Variants in OSBPL3 observed in about 807,000 individuals in gnomAD.
The protein encoded by OSBPL3 is oxysterol binding protein like 3.
In OSBPL3, 65 loss-of-function variants were observed where a neutral mutation model predicts 120.1. That is an observed-to-expected ratio of 0.54 (90% CI 0.44 to 0.67). OSBPL3 has a LOEUF of 0.67. Among genes scored for constraint, OSBPL3 ranks in the 30% least tolerant of loss-of-function variants. The pLI is 0.00. For synonymous variants in OSBPL3, 416 were observed against 402.6 expected, an observed-to-expected ratio of 1.03 and a Z score of -0.40; for missense variants, 1,004 against 1,082.1, an observed-to-expected ratio of 0.93 and a Z score of 1.01.
chr7:24,840,157 G>A (rs1011332789), intron 14 of OSBPL3, among the ~76,000 whole-genome samples: 2 of 151,866 alleles, frequency 1.3e-5, no homozygotes, highest in African/African-American at 4.8e-5. Flanking sequence ...AAATCCTAGG[G>A]GGTGGGGTCC....
rs1795192234 is a variant in OSBPL3 at position 24,822,054 on chromosome 7, T to C, written c.1885-1816A>G. On this transcript the variant is annotated intron_variant, in intron 16 of 22. Coordinates refer to ENST00000313367, the MANE Select transcript of OSBPL3 (RefSeq NM_015550.4). The surrounding 1 kb of genome is among the most constrained non-coding windows in gnomAD (Gnocchi z 5.8). ...ACGCCCGGCTAATTTTTTCACTTTT[T>C]GTAGGGATGGGGTCATGCTATGTTG... 6.6e-6 allele frequency among the ~76,000 whole-genome samples: 1 copy of C among 152,064 alleles called. No homozygotes were observed. Among genetic ancestry groups the C allele is most frequent in the Admixed American group, 6.6e-5 (1 of 15,252 alleles).
chr7:24,905,524 C>T (rs1807769571), intron 1 of OSBPL3, among the ~76,000 whole-genome samples: 1 of 152,156 alleles, frequency 6.6e-6, no homozygotes, highest in Non-Finnish European at 1.5e-5. Context: ...TCAATTATTA[C>T]CAACCCTGGC....
rs1012540226 is a variant in OSBPL3, at chr7:24,820,670, A to C, written c.1885-432T>G. Among the ~76,000 whole-genome samples, 1 of 152,252 alleles carries C rather than the reference A, an allele frequency of 6.6e-6. No individual in the cohort carries two copies. The highest frequency in any genetic ancestry group is 1.5e-5 in the Non-Finnish European group (1 of 68,046). On this transcript the variant is annotated intron_variant, in intron 16 of 22. Transcript: ENST00000313367. The surrounding 1 kb of genome is among the most constrained non-coding windows in gnomAD (Gnocchi z 4.6). ...GTTTTAATTAAGATATCAAATAACAAGTATTTTAAATGCAACCCAAAATGT... is the reference window on the plus strand; with the variant it reads ...GTTTTAATTAAGATATCAAATAACACGTATTTTAAATGCAACCCAAAATGT...
chr7:24,934,727 C>T (rs944942783), intron 1 of OSBPL3, among the ~76,000 whole-genome samples: 3 of 152,114 alleles, frequency 2.0e-5, no homozygotes, highest in Non-Finnish European at 4.4e-5. Context: ...ATATTTCACC[C>T]TTCAGAAGTG....
chr7:24,922,348 T>G lies in OSBPL3; in HGVS notation c.-149-29727A>C, dbSNP rs1310292331. On this transcript the variant is annotated intron_variant, in intron 1 of 22. Coordinates refer to ENST00000313367, the MANE Select transcript of OSBPL3 (RefSeq NM_015550.4). The surrounding 1 kb of genome is among the most constrained non-coding windows in gnomAD (Gnocchi z 4.3). ...CTTGTCCTTACCAGCAATGTGACCT[T>G]GAGCAAATCTGCTTCCTTGTGCCTT... is the stretch of plus-strand genomic sequence containing the variant. Among the ~76,000 whole-genome samples the G allele has an allele frequency of 6.6e-6, 1 of 152,168 alleles. No homozygotes were observed. Among genetic ancestry groups the G allele is most frequent in the African/African-American group, 2.4e-5 (1 of 41,432 alleles).
At chr7:24,904,043 T>C (rs1308697812) in intron 1 of OSBPL3, among the ~76,000 whole-genome samples, 1 of 152,094 alleles carries the variant, frequency 6.6e-6, no homozygotes, top group Non-Finnish European at 1.5e-5. Context: ...CCACCACAGC[T>C]GGCTGATTTT....
Position 24,806,426 on chromosome 7 carries a change from G to A in OSBPL3, c.2444+350C>T, listed in dbSNP as rs1404025238. Among the ~76,000 whole-genome samples, 1 of 152,142 alleles carries A rather than the reference G, an allele frequency of 6.6e-6. No homozygotes were observed. The highest frequency in any genetic ancestry group is 1.9e-4 in the East Asian group (1 of 5,196). ...ACCTAGAATCAGCAGTTAGATCTCAGTGCACCAAAATCATTTAAATTTGAG... is the reference window on the plus strand; with the variant it reads ...ACCTAGAATCAGCAGTTAGATCTCAATGCACCAAAATCATTTAAATTTGAG... On this transcript the variant is annotated intron_variant, in intron 21 of 22. Coordinates refer to ENST00000313367, the MANE Select transcript of OSBPL3 (RefSeq NM_015550.4). The surrounding 1 kb of genome is among the most constrained non-coding windows in gnomAD (Gnocchi z 5.2).
chr7:24,979,730 G>A (rs1348597919), intron 1 of OSBPL3, among the ~76,000 whole-genome samples, 156 bp downstream of exon 1: 2 of 151,506 alleles, frequency 1.3e-5, no homozygotes, highest in African/African-American at 4.8e-5. Flanking sequence ...CCAGGCTTGG[G>A]TCTGCCCCAG....
chr7:24,902,418 T>C (rs966434774), intron 1 of OSBPL3, among the ~76,000 whole-genome samples: 9 of 152,278 alleles, frequency 5.9e-5, no homozygotes, highest in African/African-American at 1.9e-4. Context: ...AAAACACACA[T>C]TCTGTTCCAT....
At chr7:24,958,155 T>A (rs1815294305) in intron 1 of OSBPL3, among the ~76,000 whole-genome samples, 1 of 152,144 alleles carries the variant, frequency 6.6e-6, no homozygotes, top group South Asian at 2.1e-4. Flanking sequence ...CAGATTGTCC[T>A]CCATAGAGGT....
At position 24,913,925 on chromosome 7, in the gene OSBPL3, C is replaced by T. The variant is rs1046024069; in HGVS notation, c.-149-21304G>A. On this transcript the variant is annotated intron_variant, in intron 1 of 22. Coordinates refer to ENST00000313367, the MANE Select transcript of OSBPL3 (RefSeq NM_015550.4). The surrounding 1 kb of genome is among the most constrained non-coding windows in gnomAD (Gnocchi z 5.3). ...TTCTACATATATGCATTGAAACTTT[C>T]CTAAGGAGCAGATTCATTACGAAAG... 2.0e-5 allele frequency among the ~76,000 whole-genome samples: 3 copies of T among 152,158 alleles called. No homozygotes were observed. Among genetic ancestry groups the T allele is most frequent in the African/African-American group, 4.8e-5 (2 of 41,418 alleles).
chr7:24,809,533 C>A (rs1793501634), intron 20 of OSBPL3, among the ~76,000 whole-genome samples: 1 of 152,110 alleles, frequency 6.6e-6, no homozygotes, highest in Non-Finnish European at 1.5e-5. Context: ...ATGTGGACTG[C>A]CAGATTCCCT....
chr7:24,905,044 G>A (rs1485699203), intron 1 of OSBPL3, among the ~76,000 whole-genome samples: 2 of 151,624 alleles, frequency 1.3e-5, no homozygotes, highest in African/African-American at 2.4e-5. Context: ...ATAATGCCTG[G>A]AGGACTGGTA....
chr7:24,905,422 G>A lies in OSBPL3; in HGVS notation c.-149-12801C>T, dbSNP rs150879724. 4.5e-3 allele frequency among the ~76,000 whole-genome samples: 689 copies of A among 152,308 alleles called. 2 individuals carry two copies. Among genetic ancestry groups the A allele is most frequent in the Non-Finnish European group, 7.6e-3 (520 of 68,034 alleles). ...GACCTGACAGTAAGCTATGCCGGAT[G>A]AGGGAGAGTGAGATAGGTATCAGAA... is the stretch of plus-strand genomic sequence containing the variant. On this transcript the variant is annotated intron_variant, in intron 1 of 22. Coordinates refer to ENST00000313367, the MANE Select transcript of OSBPL3 (RefSeq NM_015550.4).
At position 24,967,571 on chromosome 7, in the gene OSBPL3, C is replaced by G. The variant is rs1816528087; in HGVS notation, c.-150+12315G>C. ...AGAATTAAATCAGGTGATGTTCTTT[C>G]AAAAAGTACAGAGAATAGTGTCTCA... On this transcript the variant is annotated intron_variant, in intron 1 of 22. Coordinates refer to ENST00000313367, the MANE Select transcript of OSBPL3 (RefSeq NM_015550.4). This position sits in a 1 kb window ranked among gnomAD's most constrained non-coding sequence, Gnocchi z 5.6. Among the ~76,000 whole-genome samples, 1 of 152,162 alleles carries G rather than the reference C, an allele frequency of 6.6e-6. No individual in the cohort carries two copies. The highest frequency in any genetic ancestry group is 1.5e-5 in the Non-Finnish European group (1 of 68,006).
chr7:24,846,190 A>T (rs1798426945), intron 12 of OSBPL3, among the ~76,000 whole-genome samples: 1 of 152,074 alleles, frequency 6.6e-6, no homozygotes, highest in African/African-American at 2.4e-5. Context: ...TAACTGCTGG[A>T]GCTTGAATGA....
chr7:24,844,365 AT>A (rs201463277), intron 12 of OSBPL3, among the ~76,000 whole-genome samples: 4,489 of 150,016 alleles, frequency 0.03, 146 homozygotes, highest in African/African-American at 0.069. Context: ...ATATTATGAG[AT>A]TTTTTTTGTG....
At chr7:24,963,751 T>G (rs1285749473) in intron 1 of OSBPL3, among the ~76,000 whole-genome samples, 1 of 152,236 alleles carries the variant, frequency 6.6e-6, no homozygotes, top group Non-Finnish European at 1.5e-5. Context: ...GTGTCTATTT[T>G]CTTATCTTTA....
At position 24,806,664 on chromosome 7, in the gene OSBPL3, G is replaced by C; in HGVS notation, c.2444+112C>G. ...AAAGCATCCCCACCTCTCAATTCCT[G>C]ATGACATTTTCCACCTTTCTCAGGT... On this transcript the variant is annotated intron_variant, in intron 21 of 22. Coordinates refer to ENST00000313367, the MANE Select transcript of OSBPL3 (RefSeq NM_015550.4). This position sits in a 1 kb window ranked among gnomAD's most constrained non-coding sequence, Gnocchi z 5.2. 3 of 943,244 alleles carry C rather than the reference G, an allele frequency of 3.2e-6. No individual in the cohort carries two copies. The highest frequency in any genetic ancestry group is 4.8e-6 in the Non-Finnish European group (3 of 629,904). 58.4% of individuals were successfully genotyped at this position (943,244 alleles called of 1,614,324 possible). A position where few individuals can be genotyped will look rare whatever the true frequency, so the allele number is the denominator to read the frequency against.
Sources: allele counts gnomAD v4.1 joint callset (sites outside exome capture counted in the v4.1 genomes callset), GRCh38; gene constraint gnomAD v4.1.1; non-coding constraint Gnocchi (gnomAD v3.1); transcripts MANE v1.5; gene names NCBI Gene and HGNC (gene_info 2026-07-23, HGNC 2026-07-21).